The following KCNMB1 variants were observed in gnomAD, a reference collection of about 807,000 sequenced individuals.
KCNMB1 encodes calcium-activated potassium channel subunit beta-1.
Under a neutral mutation model 21.7 loss-of-function variants are expected in KCNMB1, and 22 were observed. The ratio of observed to expected loss-of-function variants is 1.01; its 90% CI spans 0.72 to 1.45. KCNMB1 has a LOEUF of 1.45. KCNMB1 is among the 40% of genes most tolerant of loss of function. The pLI is 0.00. For missense variants in KCNMB1, 243 were observed against 243.4 expected, an observed-to-expected ratio of 1.00 and a Z score of 0.01; for synonymous variants, 114 against 107.6, an observed-to-expected ratio of 1.06 and a Z score of -0.37.
At chr5:170,387,935 G>A (rs1239514884) in intron 1 of KCNMB1, among the ~76,000 whole-genome samples, 1 of 152,202 alleles carries the variant, frequency 6.6e-6, no homozygotes, top group Non-Finnish European at 1.5e-5. Flanking sequence ...CTAGGGCTGA[G>A]TGCCCACAAC....
Position 170,377,502 on chromosome 5 carries a change from T to C in KCNMB1, c.*1202A>G, listed in dbSNP as rs1581124456. 1.3e-5 allele frequency: 2 copies of C among 152,126 alleles called. No homozygotes were observed. The highest frequency in any genetic ancestry group is 4.8e-5 in the African/African-American group (2 of 41,378). 9.4% of individuals were successfully genotyped at this position (152,126 alleles called of 1,614,324 possible). On this transcript the variant is annotated 3_prime_UTR_variant, in exon 4 of 4. Coordinates refer to ENST00000274629, the MANE Select transcript of KCNMB1 (RefSeq NM_004137.4). ...CCAGCAGGCTCAGTGCCAGAGTCCA[T>C]ACCCTCAATTTAAATAACAAATCCT...
chr5:170,388,361 GAGGA>G (rs1218433207), intron 1 of KCNMB1, among the ~76,000 whole-genome samples: 4 of 152,236 alleles, frequency 2.6e-5, no homozygotes, highest in Admixed American at 6.5e-5. Context: ...CCTTTGGCGG[GAGGA>G]AGGATGGGAA....
chr5:170,387,300 G>T (rs989511841), intron 1 of KCNMB1, among the ~76,000 whole-genome samples: 1 of 152,074 alleles, frequency 6.6e-6, no homozygotes, highest in Admixed American at 6.5e-5. Context: ...GCCAGTGTCC[G>T]GGTGACAGGC....
chr5:170,378,905 G>T lies in KCNMB1; in HGVS notation c.375C>A (p.Ala125=), dbSNP rs749425507. 2.7e-5 allele frequency: 44 copies of T among 1,614,124 alleles called. No homozygotes were observed. The South Asian group carries it at 4.7e-4, about 17-fold the overall frequency. Residue 125 remains alanine, a synonymous_variant, in exon 4 of 4, where the codon GCC becomes GCA. Coordinates refer to ENST00000274629, the MANE Select transcript of KCNMB1 (RefSeq NM_004137.4). Reference sequence around the variant, plus strand: ...AGAAGACCTGCTGCTCTTGGAATTTGGCTCTGACCTTCTCCACGTCGGCCC... The same window carrying T: ...AGAAGACCTGCTGCTCTTGGAATTTTGCTCTGACCTTCTCCACGTCGGCCC... ...TARADVEKVR[A]KFQEQQVFYC...
At chr5:170,379,951 C>CA (rs113260730) in intron 3 of KCNMB1, among the ~76,000 whole-genome samples, 2,036 of 103,298 alleles carry the variant, frequency 0.02, 17 homozygotes, top group Middle Eastern at 0.048. Context: ...GATCCCATTT[C>CA]AAAAAAAAAA....
rs112854794 is a variant in KCNMB1 at position 170,376,364 on chromosome 5, C to T, written c.*2340G>A. 27,009 of 151,426 alleles carry T rather than the reference C, an allele frequency of 0.18. 2,664 individuals are homozygous for T. The highest frequency in any genetic ancestry group is 0.29 in the South Asian group (1,387 of 4,778). 9.4% of individuals were successfully genotyped at this position (151,426 alleles called of 1,614,324 possible). On this transcript the variant is annotated 3_prime_UTR_variant, in exon 4 of 4. Coordinates refer to ENST00000274629, the MANE Select transcript of KCNMB1 (RefSeq NM_004137.4). ...TTTTTTAGTAGAGACAGGGTTTCAC[C>T]GTGTTAGCCAGGATGGTCTCGATCT...
chr5:170,387,002 C>T (rs761065937), intron 1 of KCNMB1, among the ~76,000 whole-genome samples: 2 of 152,090 alleles, frequency 1.3e-5, no homozygotes, highest in Non-Finnish European at 1.5e-5. Flanking sequence ...CAATCTATGC[C>T]GCCTGGAGCC....
In KCNMB1 at chr5:170,378,597, A is replaced by T. The variant is rs79790664; in HGVS notation, c.*107T>A. 1,061 of 1,159,620 alleles carry T rather than the reference A, an allele frequency of 9.1e-4. 3 individuals are homozygous for T. Among genetic ancestry groups the T allele is most frequent in the Non-Finnish European group, 1.2e-3 (969 of 815,614 alleles). The allele number at this position is 1,159,620 out of a possible 1,614,324, so 71.8% of individuals were successfully genotyped here. On this transcript the variant is annotated 3_prime_UTR_variant, in exon 4 of 4. Coordinates refer to ENST00000274629, the MANE Select transcript of KCNMB1 (RefSeq NM_004137.4). ...AAGACAGCGTGGATTGGACTGGAAG[A>T]GTGGGAGGGCAGGTGGAGAAGGCAT...
Position 170,378,423 on chromosome 5 carries a change from A to C in KCNMB1, c.*281T>G, listed in dbSNP as rs999041513. The C allele has an allele frequency of 5.3e-6, 2 of 378,234 alleles. No individual in the cohort carries two copies. The highest frequency in any genetic ancestry group is 8.6e-5 in the Admixed American group (2 of 23,360). The allele number at this position is 378,234 out of a possible 1,614,324, so 23.4% of individuals were successfully genotyped here. A position where few individuals can be genotyped will look rare whatever the true frequency, so the allele number is the denominator to read the frequency against. On this transcript the variant is annotated 3_prime_UTR_variant, in exon 4 of 4. Transcript: ENST00000274629. The stretch of plus-strand genomic sequence containing the variant: ...TGGGGCACATAGTGATGCAGCCGGA[A>C]ACAGGTATGAGTCAGTTGAGTGGGG...
chr5:170,375,798 A>T lies in KCNMB1; in HGVS notation c.*2906T>A, dbSNP rs1763975191. On this transcript the variant is annotated 3_prime_UTR_variant, in exon 4 of 4. Transcript: ENST00000274629. ...CTTACCATATGTCACTATCCTAGGA[A>T]ATTTACATAAAAATTTGTTTCATGC... is the stretch of plus-strand genomic sequence containing the variant. 6.6e-6 allele frequency: 1 copy of T among 152,268 alleles called. No homozygotes were observed. The highest frequency in any genetic ancestry group is 2.4e-5 in the African/African-American group (1 of 41,470). 9.4% of individuals were successfully genotyped at this position (152,268 alleles called of 1,614,324 possible).
rs1278163059 is a variant in KCNMB1, at chr5:170,374,966, A to G, written c.*3738T>C. ...CACATACTAATTTTTCTAGAGGAAC[A>G]TGGCCTTTTCCCCTGCAGGGATTGT... On this transcript the variant is annotated 3_prime_UTR_variant, in exon 4 of 4. Coordinates refer to ENST00000274629, the MANE Select transcript of KCNMB1 (RefSeq NM_004137.4). 1 of 152,172 alleles carries G rather than the reference A, an allele frequency of 6.6e-6. No individual in the cohort carries two copies. The highest frequency in any genetic ancestry group is 1.5e-5 in the Non-Finnish European group (1 of 68,030). The allele number at this position is 152,172 out of a possible 1,614,324, so 9.4% of individuals were successfully genotyped here.
At position 170,378,822 on chromosome 5, in the gene KCNMB1, C is replaced by T; in HGVS notation, c.458G>A (p.Gly153Glu). 6.2e-7 allele frequency: 1 copy of T among 1,614,204 alleles called. No individual in the cohort carries two copies. The highest frequency in any genetic ancestry group is 8.5e-7 in the Non-Finnish European group (1 of 1,180,032). Residue 153 changes from glycine to glutamate, a missense_variant, in exon 4 of 4, where the codon GGG becomes GAG. By Grantham distance (98) the Gly-to-Glu change is moderately conservative. Coordinates refer to ENST00000274629, the MANE Select transcript of KCNMB1 (RefSeq NM_004137.4). ...ETSVLFQRLYGPQALLFSLFW... is the reference protein window; with the variant it reads ...ETSVLFQRLYEPQALLFSLFW... ...GAGGGAGAAGAGGAGGGCCTGGGGC[C>T]CGTAGAGGCGCTGGAATAGGACGCT... is the stretch of plus-strand genomic sequence containing the variant.
chr5:170,383,375 G>A (rs563973776), intron 3 of KCNMB1: 34 of 595,532 alleles, frequency 5.7e-5, no homozygotes, highest in South Asian at 3.0e-4. Flanking sequence ...TATATACAGC[G>A]TCTCTGACTT....
At chr5:170,381,290 C>A (rs1255476791) in intron 3 of KCNMB1, among the ~76,000 whole-genome samples, 1 of 152,214 alleles carries the variant, frequency 6.6e-6, no homozygotes, top group Non-Finnish European at 1.5e-5. Flanking sequence ...CTGAAACCAA[C>A]CAGCTTTTTC....
rs191871575 is a variant in KCNMB1, at chr5:170,386,184, T to C, written c.-24-713A>G. On this transcript the variant is annotated intron_variant, in intron 1 of 3. Transcript: ENST00000274629. ...CTTGAAATGGGGAGACAATATTGGATTATCCATGTAGCTCCTAAATGTAAT... is the reference window on the plus strand; with the variant it reads ...CTTGAAATGGGGAGACAATATTGGACTATCCATGTAGCTCCTAAATGTAAT... Among the ~76,000 whole-genome samples the C allele has an allele frequency of 4.0e-5, 6 of 151,672 alleles. No individual in the cohort carries two copies. In the East Asian group the frequency reaches 1.2e-3, roughly 29 times the overall value.
chr5:170,385,289 T>A (rs1274377356), intron 2 of KCNMB1, 25 bp downstream of exon 2: 2 of 1,612,270 alleles, frequency 1.2e-6, no homozygotes, highest in Admixed American at 1.7e-5. Context: ...GGTTGGGGGG[T>A]GGGCAGGCCG....
chr5:170,383,560 C>T lies in KCNMB1; in HGVS notation c.306+119G>A, dbSNP rs758578725. On this transcript the variant is annotated intron_variant, in intron 3 of 3. Transcript: ENST00000274629. ...TAGGGCTGGCTCAGTCTCATTCCAG[C>T]TGTGAGACCTGGTCAAGTGGGTTGA... 3.6e-6 allele frequency: 4 copies of T among 1,111,822 alleles called. No homozygotes were observed. The South Asian group carries it at 4.0e-5, about 11-fold the overall frequency. The allele number at this position is 1,111,822 out of a possible 1,614,324, so 68.9% of individuals were successfully genotyped here. A position where few individuals can be genotyped will look rare whatever the true frequency, so the allele number is the denominator to read the frequency against.
chr5:170,381,467 A>G (rs1764237122), intron 3 of KCNMB1, among the ~76,000 whole-genome samples: 1 of 152,216 alleles, frequency 6.6e-6, no homozygotes, highest in Admixed American at 6.5e-5. Flanking sequence ...GTGATTCCAG[A>G]GGACACCCAG....
In KCNMB1 at chr5:170,378,946, T is replaced by G; in HGVS notation, c.334A>C (p.Asn112His). 1 of 1,614,106 alleles carries G rather than the reference T, an allele frequency of 6.2e-7. No individual in the cohort carries two copies. ...ACGTCGGCCCGGGCCGTCTGGTAATTGTCCACGCTGCCTGGGATGTAGGAG... is the reference window on the plus strand; with the variant it reads ...ACGTCGGCCCGGGCCGTCTGGTAATGGTCCACGCTGCCTGGGATGTAGGAG... ...QCSYIPGSVDNYQTARADVEK... is the reference protein window; with the variant it reads ...QCSYIPGSVDHYQTARADVEK... Residue 112 changes from asparagine to histidine, a missense_variant, in exon 4 of 4, where the codon AAT becomes CAT. Transcript: ENST00000274629.
Sources: gnomAD v4.1 joint callset for allele counts (sites outside exome capture counted in the v4.1 genomes callset) on GRCh38, gnomAD v4.1.1 for gene constraint, MANE v1.5 for transcripts, NCBI Gene and HGNC (gene_info 2026-07-23, HGNC 2026-07-21) for gene names.